SYN3: variants seen among roughly 807,000 people sequenced by gnomAD.
SYN3 encodes synapsin III, also known as synapsin-3.
Under a neutral mutation model 65.8 loss-of-function variants are expected in SYN3, and 35 were observed. That is an observed-to-expected ratio of 0.53 (90% CI 0.41 to 0.70). SYN3 has a LOEUF of 0.70. Among genes scored for constraint, SYN3 ranks in the 30% least tolerant of loss-of-function variants. The pLI, the probability that SYN3 is intolerant of heterozygous loss-of-function variation, is 0.00. For missense variants in SYN3, 680 were observed against 749.0 expected (o/e 0.91, Z 1.08); for synonymous variants, 270 against 292.9 (o/e 0.92, Z 0.80).
intron 3 of SYN3, among the ~76,000 whole-genome samples, chr22:32,952,030 T>TG (rs1007555394): frequency 2.0e-5 from 3 of 152,134 alleles, no homozygotes; most frequent in East Asian, 1.9e-4. Context: ...TTGCTGGTCC[T>TG]GGGGGGGATC....
chr22:32,650,528 A>C (rs777915491), intron 6 of SYN3, among the ~76,000 whole-genome samples: 38 of 152,064 alleles, frequency 2.5e-4, no homozygotes, highest in Non-Finnish European at 4.6e-4. Flanking sequence ...AGCCTCCCAA[A>C]GTGCTGGGAT....
chr22:32,778,411 C>T (rs979382467), intron 6 of SYN3, among the ~76,000 whole-genome samples: 1 of 152,144 alleles, frequency 6.6e-6, no homozygotes, highest in African/African-American at 2.4e-5. Flanking sequence ...GCCTAAGCCT[C>T]CCAAGTAGCT....
At chr22:32,798,685 C>CTTTTTTTTTT (rs751710119) in intron 6 of SYN3, among the ~76,000 whole-genome samples, 2 of 92,496 alleles carry the variant, frequency 2.2e-5, no homozygotes, top group African/African-American at 4.6e-5. Context: ...CATCTTCATT[C>CTTTTTTTTTT]TTTTTTTTTT....
intron 2 of SYN3, among the ~76,000 whole-genome samples, chr22:32,994,000 C>T (rs891945827): frequency 3.3e-5 from 5 of 152,008 alleles, no homozygotes; most frequent in African/African-American, 1.2e-4. Context: ...TCCACTAGGG[C>T]GGGGGTAACA....
chr22:32,790,859 C>T (rs1002142367), intron 6 of SYN3, among the ~76,000 whole-genome samples: 6 of 152,120 alleles, frequency 3.9e-5, no homozygotes, highest in Non-Finnish European at 5.9e-5. Context: ...TCTTCACCAT[C>T]GCAGACAAGT....
intron 6 of SYN3, among the ~76,000 whole-genome samples, chr22:32,616,285 A>G (rs1020465988): frequency 1.2e-4 from 18 of 152,222 alleles, no homozygotes; most frequent in Middle Eastern, 3.4e-3. Flanking sequence ...TCAGTGGCCC[A>G]GGACCAGCCA....
intron 3 of SYN3, among the ~76,000 whole-genome samples, chr22:32,951,327 C>T (rs2051282862): frequency 6.6e-6 from 1 of 152,144 alleles, no homozygotes. Context: ...ATTCAGAGTC[C>T]CTCTCAGTGG....
intron 4 of SYN3, among the ~76,000 whole-genome samples, chr22:32,929,341 A>G (rs1190919239): frequency 6.7e-6 from 1 of 148,998 alleles, no homozygotes; most frequent in East Asian, 1.9e-4. Context: ...TTTTCTCCGC[A>G]GATATCTCCA....
At chr22:32,518,000 C>A in intron 13 of SYN3, 43 bp downstream of exon 13, 1 of 1,453,560 alleles carries the variant, frequency 6.9e-7, no homozygotes, top group South Asian at 1.7e-5. Context: ...CTGCCTACAC[C>A]CCAGCTCTAT....
At chr22:32,958,481 T>C (rs1269946297) in intron 3 of SYN3, among the ~76,000 whole-genome samples, 1 of 152,236 alleles carries the variant, frequency 6.6e-6, no homozygotes, top group Non-Finnish European at 1.5e-5. Context: ...GTGATACTAG[T>C]AGTAATAGCA....
intron 4 of SYN3, among the ~76,000 whole-genome samples, chr22:32,913,725 C>T (rs1199958077): frequency 6.6e-6 from 1 of 152,048 alleles, no homozygotes. Context: ...TTCATGCTGC[C>T]GGAGTGGGGA....
chr22:32,594,402 A>G (rs1314664616), intron 7 of SYN3, among the ~76,000 whole-genome samples: 1 of 152,174 alleles, frequency 6.6e-6, no homozygotes, highest in Non-Finnish European at 1.5e-5. Flanking sequence ...GAGAAGTTAG[A>G]TGGTAACTCA....
At chr22:32,538,413 T>A (rs2146216273) in intron 8 of SYN3, among the ~76,000 whole-genome samples, 1 of 152,086 alleles carries the variant, frequency 6.6e-6, no homozygotes, top group East Asian at 1.9e-4. Context: ...GGCCTGTTTT[T>A]GAGGAGAATG....
At chr22:32,720,585 A>G (rs1396252428) in intron 6 of SYN3, among the ~76,000 whole-genome samples, 2 of 152,142 alleles carry the variant, frequency 1.3e-5, no homozygotes, top group East Asian at 1.9e-4. Context: ...AAATAGTGTT[A>G]TTTTCACTGC....
At chr22:32,679,303 G>A (rs992212123) in intron 6 of SYN3, among the ~76,000 whole-genome samples, 3 of 143,676 alleles carry the variant, frequency 2.1e-5, no homozygotes, top group Admixed American at 7.1e-5. Flanking sequence ...CACCCATCTC[G>A]GTCTCCCAAA....
intron 3 of SYN3, among the ~76,000 whole-genome samples, chr22:32,950,209 A>T (rs1342036447): frequency 6.6e-6 from 1 of 152,214 alleles, no homozygotes; most frequent in Admixed American, 6.5e-5. Flanking sequence ...TACTAAGTTC[A>T]CAGGAAAAAG....
chr22:32,982,732 T>A (rs905715892), intron 2 of SYN3, among the ~76,000 whole-genome samples: 1 of 152,196 alleles, frequency 6.6e-6, no homozygotes, highest in Admixed American at 6.5e-5. Context: ...GGAAATTGAT[T>A]AATATTTGTT....
chr22:32,682,264 C>CA (rs1019619957), intron 6 of SYN3, among the ~76,000 whole-genome samples: 2 of 152,162 alleles, frequency 1.3e-5, no homozygotes, highest in African/African-American at 4.8e-5. Flanking sequence ...TCTGCCCCCA[C>CA]AAAATAGAAT....
In SYN3 at chr22:32,956,702, C is replaced by T. The variant is rs867453669; in HGVS notation, c.369+23943G>A. Among the ~76,000 whole-genome samples the T allele has an allele frequency of 4.6e-5, 7 of 152,274 alleles. No individual in the cohort carries two copies. In the Middle Eastern group the frequency reaches 0.014, roughly 296 times the overall value. Reference sequence around the variant, plus strand: ...CTGCTGATGGACATCTGGGTTGTTTCCACCTTTTGGCTATTGCGAACCATG... The same window carrying T: ...CTGCTGATGGACATCTGGGTTGTTTTCACCTTTTGGCTATTGCGAACCATG... On this transcript the variant is annotated intron_variant, in intron 3 of 13. Transcript: ENST00000358763.
Sources: gnomAD v4.1 joint callset for allele counts (sites outside exome capture counted in the v4.1 genomes callset) on GRCh38, gnomAD v4.1.1 for gene constraint, MANE v1.5 for transcripts, NCBI Gene and HGNC (gene_info 2026-07-23, HGNC 2026-07-21) for gene names.